Variants in COL27A1 observed in about 807,000 individuals in gnomAD.
COL27A1 encodes the protein collagen alpha-1(XXVII) chain.
In COL27A1, 106 loss-of-function variants were observed where a neutral mutation model predicts 251.3. That is an observed-to-expected ratio of 0.42 (90% confidence interval 0.36 to 0.50). COL27A1 has a LOEUF of 0.50. Among genes scored for constraint, COL27A1 ranks in the 20% least tolerant of loss-of-function variants. The pLI is 0.00. For missense variants in COL27A1, 2,325 were observed against 2,522.8 expected (o/e 0.92, Z 1.68); for synonymous variants, 1,000 against 986.3 (o/e 1.01, Z -0.26).
chr9:114,245,957 C>G, intron 24 of COL27A1, 47 bp downstream of exon 24: 1 of 1,558,582 alleles, frequency 6.4e-7, no homozygotes, highest in Non-Finnish European at 8.8e-7. Context: ...TTATTGGGCC[C>G]TTACTCTGTG....
intron 50 of COL27A1, 126 bp downstream of exon 50, chr9:114,300,249 C>A: frequency 2.2e-6 from 2 of 913,486 alleles, no homozygotes; most frequent in Non-Finnish European, 1.7e-6. Flanking sequence ...CAGAATCAGG[C>A]ATGAACACCC....
In COL27A1 at chr9:114,205,118, CTG is replaced by C; in HGVS notation, c.2142_2143del (p.Gly715ThrfsTer14). 6.2e-7 allele frequency: 1 copy of C among 1,613,774 alleles called. No homozygotes were observed. The highest frequency in any genetic ancestry group is 1.7e-5 in the Admixed American group (1 of 60,018). ...CTCCAACAGGGACACAAGGGCTATCCTGGACCGGCAGGGCACCCCGGAGAACA... is the reference window on the plus strand; with the variant it reads ...CTCCAACAGGGACACAAGGGCTATCCGACCGGCAGGGCACCCCGGAGAACA... On this transcript the variant is annotated frameshift_variant, in exon 8 of 61. Coordinates refer to ENST00000356083, the MANE Select transcript of COL27A1 (RefSeq NM_032888.4). LOFTEE classifies it high-confidence loss of function.
intron 25 of COL27A1, among the ~76,000 whole-genome samples, chr9:114,251,651 C>T (rs1205428915): frequency 6.6e-6 from 1 of 152,156 alleles, no homozygotes; most frequent in Non-Finnish European, 1.5e-5. Context: ...CTCAAATGAC[C>T]CATGTCCCTT....
intron 54 of COL27A1, 32 bp downstream of exon 54, chr9:114,301,494 G>A (rs779076271): frequency 7.5e-6 from 12 of 1,595,704 alleles, no homozygotes; most frequent in Admixed American, 5.3e-5. Flanking sequence ...GCTGTGGGGC[G>A]GGGCGTGGGG....
intron 3 of COL27A1, among the ~76,000 whole-genome samples, chr9:114,177,034 C>G (rs1168687760): frequency 1.3e-5 from 2 of 152,214 alleles, no homozygotes; most frequent in East Asian, 1.9e-4. Context: ...CACACATCCT[C>G]GAAAGCCTGG....
At chr9:114,237,228 C>T (rs1832460492) in intron 18 of COL27A1, among the ~76,000 whole-genome samples, 194 bp downstream of exon 18, 1 of 152,204 alleles carries the variant, frequency 6.6e-6, no homozygotes, top group Non-Finnish European at 1.5e-5. Context: ...GTAACTCAGC[C>T]AGCTTCAGAG....
chr9:114,235,665 G>A lies in COL27A1; in HGVS notation c.2619+13G>A, dbSNP rs1832333268. 2 of 1,607,450 alleles carry A rather than the reference G, an allele frequency of 1.2e-6. No individual in the cohort carries two copies. Among genetic ancestry groups the A allele is most frequent in the Non-Finnish European group, 1.7e-6 (2 of 1,174,180 alleles). On this transcript the variant is annotated intron_variant, in intron 17 of 60. Coordinates refer to ENST00000356083, the MANE Select transcript of COL27A1 (RefSeq NM_032888.4). ...CCAAGGAGACAAGGTAATTGCATGAGATTTTCCCCTCCCCCTGCCCCTGCC... is the reference window on the plus strand; with the variant it reads ...CCAAGGAGACAAGGTAATTGCATGAAATTTTCCCCTCCCCCTGCCCCTGCC...
At chr9:114,229,159 C>A (rs1831743923) in intron 14 of COL27A1, among the ~76,000 whole-genome samples, 1 of 152,224 alleles carries the variant, frequency 6.6e-6, no homozygotes, top group African/African-American at 2.4e-5. Flanking sequence ...AAAGGCTCAG[C>A]TGGGAGGTTT....
At chr9:114,307,583 C>A in intron 58 of COL27A1, 86 bp from the exon 59 acceptor site, 1 of 932,540 alleles carries the variant, frequency 1.1e-6, no homozygotes, top group Non-Finnish European at 1.8e-6. Context: ...CTCGGCAGGT[C>A]ACAAGATGCA....
At chr9:114,205,266 C>T (rs1829869451) in intron 8 of COL27A1, 120 bp downstream of exon 8, 1 of 896,880 alleles carries the variant, frequency 1.1e-6, no homozygotes, top group Non-Finnish European at 1.7e-6. Flanking sequence ...GCTGTTTTGC[C>T]TCTCACCCTG....
chr9:114,265,525 G>A (rs1368041914), intron 32 of COL27A1, 50 bp downstream of exon 32: 25 of 1,573,110 alleles, frequency 1.6e-5, no homozygotes, highest in Non-Finnish European at 2.1e-5. Flanking sequence ...TGGCACCTGG[G>A]GGTGTGGGCC....
At chr9:114,283,044 G>A (rs2135705973) in intron 39 of COL27A1, among the ~76,000 whole-genome samples, 1 of 152,350 alleles carries the variant, frequency 6.6e-6, no homozygotes, top group African/African-American at 2.4e-5. Context: ...GATACCTCCA[G>A]GAGATGAAGA....
intron 42 of COL27A1, 68 bp downstream of exon 42, chr9:114,288,579 G>T: frequency 1.3e-6 from 2 of 1,555,972 alleles, no homozygotes; most frequent in East Asian, 2.3e-5. Context: ...GCTGCATGGA[G>T]AGGGGTGGGC....
intron 27 of COL27A1, 144 bp from the exon 28 acceptor site, chr9:114,258,397 T>C: frequency 1.5e-6 from 1 of 684,922 alleles, no homozygotes; most frequent in Non-Finnish European, 2.5e-6. Flanking sequence ...TCCTTCCATG[T>C]GGAGGCTGCT....
intron 10 of COL27A1, among the ~76,000 whole-genome samples, chr9:114,208,133 G>T (rs1239501972): frequency 1.3e-5 from 2 of 152,178 alleles, no homozygotes; most frequent in Admixed American, 1.3e-4. Context: ...TCTACAGGGG[G>T]CTGAGTAATA....
intron 41 of COL27A1, among the ~76,000 whole-genome samples, chr9:114,287,392 T>C (rs1180411868): frequency 6.6e-6 from 1 of 152,264 alleles, no homozygotes; most frequent in Admixed American, 6.5e-5. Context: ...CCATTTGCCG[T>C]TCCGCTTACA....
chr9:114,181,138 A>G (rs1827880501), intron 4 of COL27A1, among the ~76,000 whole-genome samples: 1 of 152,210 alleles, frequency 6.6e-6, no homozygotes, highest in Non-Finnish European at 1.5e-5. Flanking sequence ...GCTGGGTCCC[A>G]GTCACTTACA....
chr9:114,269,593 T>G (rs1588834449), intron 35 of COL27A1, among the ~76,000 whole-genome samples: 1 of 111,600 alleles, frequency 9.0e-6, no homozygotes, highest in African/African-American at 3.7e-5. Flanking sequence ...CCAGCCCGGG[T>G]GACAGAGGAA....
chr9:114,274,694 A>G (rs1006541769), intron 36 of COL27A1, among the ~76,000 whole-genome samples: 1 of 152,194 alleles, frequency 6.6e-6, no homozygotes, highest in African/African-American at 2.4e-5. Flanking sequence ...AAAGATGGAG[A>G]CCAGCAGTCC....
Sources: allele counts gnomAD v4.1 joint callset (sites outside exome capture counted in the v4.1 genomes callset), GRCh38; gene constraint gnomAD v4.1.1; transcripts MANE v1.5; gene names NCBI Gene and HGNC (gene_info 2026-07-23, HGNC 2026-07-21).